FLI1: variants seen among roughly 807,000 people sequenced by gnomAD.
The protein encoded by FLI1 is Friend leukemia integration 1 transcription factor.
A neutral mutation model predicts 53.1 loss-of-function variants in FLI1; 13 were observed. The observed-to-expected ratio is 0.24, with a 90% CI of 0.16 to 0.39. The LOEUF (loss-of-function observed/expected upper bound fraction) is 0.39, where lower values mean the gene tolerates loss of function less well. Among genes scored for constraint, FLI1 ranks in the 10% least tolerant of loss-of-function variants. The probability of loss-of-function intolerance (pLI) is 1.00; values close to 1 mark genes in which losing one functional copy is unlikely to be tolerated. For synonymous variants in FLI1, 244 were observed against 236.7 expected (o/e 1.03, Z -0.28); for missense variants, 424 against 600.5 (o/e 0.71, Z 3.07).
chr11:128,812,140 A>C lies in FLI1; in HGVS notation c.*1152A>C, dbSNP rs1265495030. 1 of 214,430 alleles carries C rather than the reference A, an allele frequency of 4.7e-6. No homozygotes were observed. Among genetic ancestry groups the C allele is most frequent in the African/African-American group, 2.3e-5 (1 of 44,218 alleles). 13.3% of individuals were successfully genotyped at this position (214,430 alleles called of 1,614,324 possible). A position where few individuals can be genotyped will look rare whatever the true frequency, so the allele number is the denominator to read the frequency against. On this transcript the variant is annotated 3_prime_UTR_variant, in exon 9 of 9. Coordinates refer to ENST00000527786, the MANE Select transcript of FLI1 (RefSeq NM_002017.5). ...TACAGTTATTTAACAGGCATACACA[A>C]GCAGGGAAAAGATAATCCATTTAGA...
chr11:128,769,587 A>G (rs2135836659), intron 3 of FLI1, among the ~76,000 whole-genome samples: 1 of 152,178 alleles, frequency 6.6e-6, no homozygotes, highest in Non-Finnish European at 1.5e-5. Flanking sequence ...GCCAAATTCA[A>G]GAAGGTGTGA....
intron 1 of FLI1, among the ~76,000 whole-genome samples, chr11:128,744,684 C>G (rs1003654876): frequency 1.3e-5 from 2 of 152,134 alleles, no homozygotes; most frequent in Non-Finnish European, 1.5e-5. Context: ...ACATCAAAAC[C>G]CTGTGGGTGC....
In FLI1 at chr11:128,738,099, A is replaced by T. The variant is rs144081260; in HGVS notation, c.19-20016A>T. Among the ~76,000 whole-genome samples the T allele has an allele frequency of 3.6e-3, 554 of 152,290 alleles. 1 individual carries two copies. The highest frequency in any genetic ancestry group is 0.013 in the African/African-American group (542 of 41,558). ...ATTATTACAGTATAATTTTAGAAGA[A>T]TGAGTTTATAGGGGAGCAAACATTC... is the stretch of plus-strand genomic sequence containing the variant. On this transcript the variant is annotated intron_variant, in intron 1 of 8. Transcript: ENST00000527786.
At chr11:128,778,979 C>G (rs777589206) in intron 4 of FLI1, among the ~76,000 whole-genome samples, 1 of 152,200 alleles carries the variant, frequency 6.6e-6, no homozygotes. Flanking sequence ...CCAGCCCCTC[C>G]TTGGGGAAGG....
chr11:128,702,087 A>T (rs192226219), intron 1 of FLI1, among the ~76,000 whole-genome samples: 16 of 152,356 alleles, frequency 1.1e-4, no homozygotes, highest in African/African-American at 3.6e-4. Context: ...GGAAAAGCGT[A>T]TGTTTCAATT....
At chr11:128,807,332 C>T (rs1170110458) in intron 7 of FLI1, 93 bp downstream of exon 7, 3 of 765,034 alleles carry the variant, frequency 3.9e-6, no homozygotes, top group Non-Finnish European at 6.1e-6. Flanking sequence ...CAATATACCA[C>T]ATATGTTTTC....
intron 4 of FLI1, among the ~76,000 whole-genome samples, chr11:128,778,326 G>A (rs1050439586): frequency 6.6e-6 from 1 of 152,108 alleles, no homozygotes; most frequent in Non-Finnish European, 1.5e-5. Context: ...CCGGGCCAAG[G>A]AGTAGAATTT....
intron 5 of FLI1, among the ~76,000 whole-genome samples, chr11:128,798,319 GGTCATTTAGACATCTGT>G (rs1449694445): frequency 2.6e-5 from 4 of 152,122 alleles, no homozygotes; most frequent in Non-Finnish European, 5.9e-5. Flanking sequence ...AAAATAAATA[GGTCATTTAGACATCTGT>G]GTCACTTAGA....
intron 1 of FLI1, among the ~76,000 whole-genome samples, chr11:128,749,701 C>T (rs962896616): frequency 7.9e-5 from 12 of 152,322 alleles, no homozygotes; most frequent in African/African-American, 2.9e-4. Flanking sequence ...GCGACTGTGC[C>T]TCATGCAAAG....
chr11:128,722,110 T>C (rs751797883), intron 1 of FLI1, among the ~76,000 whole-genome samples: 1 of 152,186 alleles, frequency 6.6e-6, no homozygotes, highest in Non-Finnish European at 1.5e-5. Flanking sequence ...ATCCTTGCCA[T>C]GGGTTCACTC....
intron 5 of FLI1, 85 bp from the exon 6 acceptor site, chr11:128,805,281 C>A: frequency 1.3e-6 from 1 of 749,642 alleles, no homozygotes; most frequent in Non-Finnish European, 2.2e-6. Context: ...AATTTTATTT[C>A]TCCTGATCAC....
chr11:128,790,096 G>GCGTGCA (rs1942225277), intron 5 of FLI1, among the ~76,000 whole-genome samples: 3 of 151,184 alleles, frequency 2.0e-5, no homozygotes, highest in African/African-American at 7.3e-5. Context: ...GTGTGTGTGT[G>GCGTGCA]CACGCGTGCT....
intron 1 of FLI1, among the ~76,000 whole-genome samples, chr11:128,688,693 G>T (rs926215472): frequency 3.9e-5 from 6 of 152,138 alleles, no homozygotes; most frequent in Non-Finnish European, 7.4e-5. Context: ...AGGTAAAGGA[G>T]GTAATTGCCC....
chr11:128,704,317 G>T (rs929110841), intron 1 of FLI1, among the ~76,000 whole-genome samples: 7 of 152,114 alleles, frequency 4.6e-5, no homozygotes, highest in African/African-American at 9.7e-5. Flanking sequence ...GAAGGCAGGG[G>T]CTCTCAGCAG....
intron 2 of FLI1, among the ~76,000 whole-genome samples, chr11:128,766,511 T>C (rs1386843801): frequency 6.6e-6 from 1 of 152,216 alleles, no homozygotes; most frequent in Non-Finnish European, 1.5e-5. Flanking sequence ...CAGTGGAGCA[T>C]TTATCTCCCA....
At position 128,758,158 on chromosome 11, in the gene FLI1, C is replaced by T. The variant is rs745372049; in HGVS notation, c.62C>T (p.Ser21Leu). ...VVSDDQSLFD[S>L]AYGAAAHLPK... is the part of the protein sequence containing the mutation. ...AGCGACGACCAGTCCCTCTTTGACT[C>T]AGCGTACGGAGCGGCAGCCCATCTC... The change falls in exon 2 of 9, where the codon TCA becomes TTA. Residue 21 changes from serine to leucine, a missense_variant. Ser to Leu is a moderately radical substitution (Grantham distance 145). Around this residue, in one of 5 missense-constraint regions of FLI1, gnomAD observed 137 missense variants for 169.1 expected, o/e 0.81. Transcript: ENST00000527786. 13 of 1,613,572 alleles carry T rather than the reference C, an allele frequency of 8.1e-6. No homozygotes were observed. Among genetic ancestry groups the T allele is most frequent in the South Asian group, 5.5e-5 (5 of 90,962 alleles).
At chr11:128,748,517 C>T (rs997217949) in intron 1 of FLI1, among the ~76,000 whole-genome samples, 1 of 152,026 alleles carries the variant, frequency 6.6e-6, no homozygotes, top group African/African-American at 2.4e-5. Context: ...CCTGTAATCC[C>T]AGCTACTCAG....
chr11:128,789,910 G>T (rs1377879869), intron 5 of FLI1, among the ~76,000 whole-genome samples: 1 of 152,186 alleles, frequency 6.6e-6, no homozygotes, highest in African/African-American at 2.4e-5. Context: ...ATCTACGTCA[G>T]CTCACACACA....
rs760927892 is a variant in FLI1 at position 128,810,915 on chromosome 11, G to A, written c.1286G>A (p.Gly429Glu). ...CAATACTGGACCTCCCCCACGGGGGGAATCTACCCCAACCCCAACGTCCCC... is the reference window on the plus strand; with the variant it reads ...CAATACTGGACCTCCCCCACGGGGGAAATCTACCCCAACCCCAACGTCCCC... ...ASQYWTSPTG[G>E]IYPNPNVPRH... is the part of the protein sequence containing the mutation. Residue 429 changes from glycine to glutamate, a missense_variant, in exon 9 of 9, where the codon GGA becomes GAA. Around this residue, in one of 5 missense-constraint regions of FLI1, gnomAD observed 87 missense variants for 100.0 expected, o/e 0.87. Coordinates refer to ENST00000527786, the MANE Select transcript of FLI1 (RefSeq NM_002017.5). This position sits in a 1 kb window ranked among gnomAD's most constrained non-coding sequence, Gnocchi z 6.6. 4.3e-6 allele frequency: 7 copies of A among 1,613,956 alleles called. No homozygotes were observed. The highest frequency in any genetic ancestry group is 5.1e-6 in the Non-Finnish European group (6 of 1,179,874).
Sources: allele counts gnomAD v4.1 joint callset (sites outside exome capture counted in the v4.1 genomes callset), GRCh38; gene constraint gnomAD v4.1.1; regional missense constraint gnomAD v4.1.1; non-coding constraint Gnocchi (gnomAD v3.1); transcripts MANE v1.5; gene names NCBI Gene and HGNC (gene_info 2026-07-23, HGNC 2026-07-21).